The following ST6GALNAC5 variants were observed in gnomAD, a reference collection of about 807,000 sequenced individuals.
ST6GALNAC5 encodes alpha-N-acetylgalactosaminide alpha-2,6-sialyltransferase 5.
Under a neutral mutation model 33.6 loss-of-function variants are expected in ST6GALNAC5, and 27 were observed. The observed-to-expected ratio is 0.80, with a 90% CI of 0.59 to 1.11. The LOEUF is 1.11. ST6GALNAC5 is among the 50% of genes least tolerant of loss of function. The probability of loss-of-function intolerance (pLI) is 0.00; values close to 1 mark genes in which losing one functional copy is unlikely to be tolerated. For synonymous variants in ST6GALNAC5, 194 were observed against 171.2 expected (o/e 1.13, Z -1.04); for missense variants, 428 against 454.0 (o/e 0.94, Z 0.52).
intron 2 of ST6GALNAC5, among the ~76,000 whole-genome samples, chr1:77,035,824 G>A (rs1358210237): frequency 6.6e-6 from 1 of 152,152 alleles, no homozygotes; most frequent in African/African-American, 2.4e-5. Context: ...AAATGGTGTA[G>A]CCACTTTGGA....
At position 76,926,889 on chromosome 1, in the gene ST6GALNAC5, G is replaced by C. The variant is rs866181154; in HGVS notation, c.261+58147G>C. On this transcript the variant is annotated intron_variant, in intron 2 of 4. Transcript: ENST00000477717. ...TTAACCTCATTTGTTAGGTAAAGAT[G>C]ATGGGCCATTTTTACTGGTAATTTT... 7.9e-5 allele frequency among the ~76,000 whole-genome samples: 12 copies of C among 152,172 alleles called. No homozygotes were observed. The East Asian group carries it at 1.7e-3, about 22-fold the overall frequency.
rs188266635 is a variant in ST6GALNAC5 at position 77,022,007 on chromosome 1, G to A, written c.262-22197G>A. Among the ~76,000 whole-genome samples, 9 of 152,190 alleles carry A rather than the reference G, an allele frequency of 5.9e-5. No individual in the cohort carries two copies. In the East Asian group the frequency reaches 9.6e-4, roughly 16 times the overall value. ...TTCAGCAGTCTGTGCTGCGCCCCCC[G>A]TTTGTCTTTTTTCCCCCAGCCAACA... On this transcript the variant is annotated intron_variant, in intron 2 of 4. Transcript: ENST00000477717.
intron 2 of ST6GALNAC5, among the ~76,000 whole-genome samples, chr1:77,018,695 T>A (rs1347199023): frequency 6.6e-6 from 1 of 152,230 alleles, no homozygotes; most frequent in African/African-American, 2.4e-5. Context: ...AAGCCTCAGT[T>A]TTCCGACCTG....
chr1:76,923,853 C>G (rs1450008116), intron 2 of ST6GALNAC5, among the ~76,000 whole-genome samples: 2 of 152,154 alleles, frequency 1.3e-5, no homozygotes, highest in African/African-American at 4.8e-5. Context: ...CTCGTACATA[C>G]TATACTGATA....
intron 2 of ST6GALNAC5, among the ~76,000 whole-genome samples, chr1:77,043,479 C>G (rs1424334890): frequency 1.3e-5 from 2 of 152,182 alleles, no homozygotes; most frequent in Non-Finnish European, 2.9e-5. Flanking sequence ...GTCTGTGGCT[C>G]TGAGCTTGAC....
At chr1:76,869,943 C>G (rs1013254620) in intron 2 of ST6GALNAC5, among the ~76,000 whole-genome samples, 6 of 151,896 alleles carry the variant, frequency 4.0e-5, no homozygotes, top group Non-Finnish European at 7.4e-5. Flanking sequence ...AAAATGAGAA[C>G]GATGACTTCC....
chr1:76,872,087 ACACACACACACACAC>A (rs1653519833), intron 2 of ST6GALNAC5, among the ~76,000 whole-genome samples: 1 of 146,134 alleles, frequency 6.8e-6, no homozygotes, highest in Non-Finnish European at 1.5e-5. Context: ...ACACACACAC[ACACACACACACACAC>A]ACACACACAC....
chr1:76,928,288 C>T (rs1647104511), intron 2 of ST6GALNAC5, among the ~76,000 whole-genome samples: 1 of 152,064 alleles, frequency 6.6e-6, no homozygotes, highest in Non-Finnish European at 1.5e-5. Flanking sequence ...TATTTTCATC[C>T]TTCATTGATT....
At chr1:76,994,253 A>G (rs1270493754) in intron 2 of ST6GALNAC5, among the ~76,000 whole-genome samples, 3 of 152,206 alleles carry the variant, frequency 2.0e-5, no homozygotes, top group Non-Finnish European at 4.4e-5. Context: ...CACTTACAAA[A>G]TGGCTTGATA....
rs186150398 is a variant in ST6GALNAC5, at chr1:77,014,345, C to T, written c.262-29859C>T. The stretch of plus-strand genomic sequence containing the variant: ...GTGGGGCTCTTCAACTTTATGCTGG[C>T]GGATAGGCATGTGGAACTTCATACA... On this transcript the variant is annotated intron_variant, in intron 2 of 4. Coordinates refer to ENST00000477717, the MANE Select transcript of ST6GALNAC5 (RefSeq NM_030965.3). Among the ~76,000 whole-genome samples the T allele has an allele frequency of 2.6e-5, 4 of 152,212 alleles. No homozygotes were observed. The East Asian group carries it at 5.8e-4, about 22-fold the overall frequency.
chr1:77,057,988 G>A (rs1052924454), intron 4 of ST6GALNAC5, among the ~76,000 whole-genome samples: 16 of 152,292 alleles, frequency 1.1e-4, no homozygotes, highest in South Asian at 2.1e-4. Context: ...TGAGCAGCTC[G>A]CAAGCACCAC....
intron 2 of ST6GALNAC5, among the ~76,000 whole-genome samples, chr1:76,926,538 C>A (rs1481486265): frequency 6.6e-6 from 1 of 152,122 alleles, no homozygotes; most frequent in Non-Finnish European, 1.5e-5. Flanking sequence ...CAGAGAATTT[C>A]TTTAAATGGA....
intron 2 of ST6GALNAC5, among the ~76,000 whole-genome samples, chr1:76,946,450 G>A (rs1475830788): frequency 1.3e-5 from 2 of 152,164 alleles, no homozygotes; most frequent in African/African-American, 2.4e-5. Context: ...TAATAAGGCT[G>A]TCTTTAGCAC....
intron 2 of ST6GALNAC5, among the ~76,000 whole-genome samples, chr1:76,920,004 A>G (rs908713450): frequency 3.9e-5 from 6 of 152,220 alleles, no homozygotes; most frequent in African/African-American, 1.4e-4. Context: ...AAGCTTAAAG[A>G]TGGAAATATT....
chr1:76,985,191 AG>A (rs1351153254), intron 2 of ST6GALNAC5, among the ~76,000 whole-genome samples: 4 of 152,214 alleles, frequency 2.6e-5, no homozygotes, highest in African/African-American at 4.8e-5. Context: ...AAAGAAAGAA[AG>A]GGTATTCAAT....
At chr1:76,918,616 C>CAAA (rs5775368) in intron 2 of ST6GALNAC5, among the ~76,000 whole-genome samples, 47 of 76,448 alleles carry the variant, frequency 6.1e-4, no homozygotes, top group Admixed American at 6.5e-4. Context: ...GACTCCATCT[C>CAAA]AAAAAAAAAA....
chr1:76,886,669 A>G lies in ST6GALNAC5; in HGVS notation c.261+17927A>G, dbSNP rs537783254. On this transcript the variant is annotated intron_variant, in intron 2 of 4. Transcript: ENST00000477717. Reference sequence around the variant, plus strand: ...GTTTCCTAAATTTGTCATCACCCCAAACGGAGACTCTGTAATATTAAGTAA... The same window carrying G: ...GTTTCCTAAATTTGTCATCACCCCAGACGGAGACTCTGTAATATTAAGTAA... Among the ~76,000 whole-genome samples the G allele has an allele frequency of 5.3e-5, 8 of 152,270 alleles. No individual in the cohort carries two copies. The East Asian group carries it at 1.5e-3, about 29-fold the overall frequency.
chr1:76,874,567 A>T (rs935548963), intron 2 of ST6GALNAC5, among the ~76,000 whole-genome samples: 1 of 152,200 alleles, frequency 6.6e-6, no homozygotes, highest in African/African-American at 2.4e-5. Flanking sequence ...CCGATATTCA[A>T]GGGCAGGAAG....
chr1:76,907,167 C>T (rs1451126843), intron 2 of ST6GALNAC5, among the ~76,000 whole-genome samples: 1 of 152,128 alleles, frequency 6.6e-6, no homozygotes, highest in Non-Finnish European at 1.5e-5. Flanking sequence ...GCCATCACCA[C>T]GAGAGGGATC....
Sources: allele counts gnomAD v4.1 joint callset (sites outside exome capture counted in the v4.1 genomes callset), GRCh38; gene constraint gnomAD v4.1.1; transcripts MANE v1.5; gene names NCBI Gene and HGNC (gene_info 2026-07-23, HGNC 2026-07-21).